CHCHD3: variants seen among roughly 807,000 people sequenced by gnomAD.
CHCHD3 encodes the protein MICOS complex subunit MIC19.
A neutral mutation model predicts 38.2 loss-of-function variants in CHCHD3; 20 were observed. The ratio of observed to expected loss-of-function variants is 0.52; its 90% CI spans 0.37 to 0.76. The LOEUF is 0.76. Among genes scored for constraint, CHCHD3 ranks in the 30% least tolerant of loss-of-function variants. The probability of loss-of-function intolerance (pLI) is 0.00; values close to 1 mark genes in which losing one functional copy is unlikely to be tolerated. For missense variants in CHCHD3, 245 were observed against 279.2 expected (o/e 0.88, Z 0.87); for synonymous variants, 82 against 100.0 (o/e 0.82, Z 1.07).
chr7:132,876,529 G>A (rs373946893), intron 5 of CHCHD3, among the ~76,000 whole-genome samples: 2 of 152,020 alleles, frequency 1.3e-5, no homozygotes, highest in African/African-American at 4.8e-5. Context: ...TTATTTTATT[G>A]TGTAGCCTTT....
chr7:132,901,892 T>C (rs904058091), intron 4 of CHCHD3, among the ~76,000 whole-genome samples: 3 of 152,224 alleles, frequency 2.0e-5, no homozygotes, highest in Non-Finnish European at 2.9e-5. Flanking sequence ...TCCTTGCCCA[T>C]GCCTATTCCT....
intron 4 of CHCHD3, among the ~76,000 whole-genome samples, chr7:132,897,917 G>A (rs58423496): frequency 0.018 from 2,730 of 152,230 alleles, 99 homozygotes; most frequent in African/African-American, 0.062. Flanking sequence ...CAGCGTGTCC[G>A]GAGTTTGTTC....
chr7:132,968,681 G>A (rs1040124918), intron 4 of CHCHD3, among the ~76,000 whole-genome samples: 4 of 152,028 alleles, frequency 2.6e-5, no homozygotes, highest in African/African-American at 7.2e-5. Flanking sequence ...AAAAGAACCC[G>A]GGAAACCACT....
At position 133,035,686 on chromosome 7, in the gene CHCHD3, C is replaced by T. The variant is rs1813653639; in HGVS notation, c.170-11059G>A. Reference sequence around the variant, plus strand: ...CTTCCCCGCAGCTCCTCATTGCTCACATAGTAGGCAATGGCGTTGCTCTCA... The same window carrying T: ...CTTCCCCGCAGCTCCTCATTGCTCATATAGTAGGCAATGGCGTTGCTCTCA... On this transcript the variant is annotated intron_variant, in intron 2 of 7. Coordinates refer to ENST00000262570, the MANE Select transcript of CHCHD3 (RefSeq NM_017812.4). The surrounding 1 kb of genome is among the most constrained non-coding windows in gnomAD (Gnocchi z 4.7). The T allele has an allele frequency of 1.2e-6, 2 of 1,613,222 alleles. No individual in the cohort carries two copies. The highest frequency in any genetic ancestry group is 2.2e-5 in the South Asian group (2 of 91,026).
intron 5 of CHCHD3, among the ~76,000 whole-genome samples, chr7:132,844,692 A>C (rs1808030497): frequency 6.6e-6 from 1 of 152,210 alleles, no homozygotes; most frequent in African/African-American, 2.4e-5. Context: ...AATTTAAAGT[A>C]GAATGACAGT....
chr7:133,067,894 A>G (rs940347933), intron 2 of CHCHD3, among the ~76,000 whole-genome samples: 2 of 152,120 alleles, frequency 1.3e-5, no homozygotes, highest in Non-Finnish European at 2.9e-5. Context: ...AGGCGGGCGG[A>G]TCACGAGGTC....
intron 4 of CHCHD3, among the ~76,000 whole-genome samples, chr7:132,960,648 A>T (rs900684265): frequency 1.3e-5 from 2 of 152,182 alleles, no homozygotes. Context: ...AACGTCAGAA[A>T]TTAGCAAAAC....
At chr7:132,883,056 T>A (rs1809108304) in intron 5 of CHCHD3, among the ~76,000 whole-genome samples, 1 of 152,098 alleles carries the variant, frequency 6.6e-6, no homozygotes. Flanking sequence ...CCTGCCACCA[T>A]GTGAAAAAGG....
intron 2 of CHCHD3, among the ~76,000 whole-genome samples, chr7:133,054,258 A>C (rs1369731533): frequency 6.6e-6 from 1 of 152,164 alleles, no homozygotes; most frequent in Non-Finnish European, 1.5e-5. Context: ...ATACTGTCCA[A>C]ATATATCCAA....
intron 4 of CHCHD3, among the ~76,000 whole-genome samples, chr7:132,889,561 G>C (rs1809309008): frequency 6.6e-6 from 1 of 152,094 alleles, no homozygotes; most frequent in Admixed American, 6.6e-5. Flanking sequence ...GTACACTAAA[G>C]ACCAAAGAGG....
chr7:132,835,881 A>G lies in CHCHD3; in HGVS notation c.524+2518T>C, dbSNP rs1285107239. On this transcript the variant is annotated intron_variant, in intron 6 of 7. Coordinates refer to ENST00000262570, the MANE Select transcript of CHCHD3 (RefSeq NM_017812.4). Reference sequence around the variant, plus strand: ...ATATGACTGGTATTCTTGTAAGAAAAGCAGATTAGCATGTAGACACAAGAG... The same window carrying G: ...ATATGACTGGTATTCTTGTAAGAAAGGCAGATTAGCATGTAGACACAAGAG... Among the ~76,000 whole-genome samples the G allele has an allele frequency of 2.6e-5, 4 of 152,276 alleles. No homozygotes were observed. The East Asian group carries it at 7.7e-4, about 29-fold the overall frequency.
intron 6 of CHCHD3, among the ~76,000 whole-genome samples, chr7:132,834,944 TCTCATTTATTTA>T (rs1476127690): frequency 2.7e-5 from 4 of 149,132 alleles, no homozygotes; most frequent in African/African-American, 9.9e-5. Flanking sequence ...TTTTTTTTCC[TCTCATTTATTTA>T]TTTATTTATT....
intron 3 of CHCHD3, among the ~76,000 whole-genome samples, chr7:133,011,949 G>A (rs1812886804): frequency 6.6e-6 from 1 of 152,142 alleles, no homozygotes; most frequent in Admixed American, 6.5e-5. Flanking sequence ...AATTGAGACA[G>A]AGTATTGCTC....
intron 2 of CHCHD3, chr7:133,052,100 G>A (rs1296385117): frequency 6.6e-6 from 1 of 152,208 alleles, no homozygotes; most frequent in Non-Finnish European, 1.5e-5. Context: ...CATTAGGTTA[G>A]CCCTGAGTTA....
intron 3 of CHCHD3, among the ~76,000 whole-genome samples, chr7:133,023,428 G>GGTC (rs1642062587): frequency 6.6e-6 from 1 of 152,164 alleles, no homozygotes; most frequent in South Asian, 2.1e-4. Context: ...ATATGGTGAA[G>GGTC]GTCCTATGGC....
At chr7:133,055,288 CTATT>C (rs1231195628) in intron 2 of CHCHD3, among the ~76,000 whole-genome samples, 1 of 143,664 alleles carries the variant, frequency 7.0e-6, no homozygotes, top group Non-Finnish European at 1.5e-5. Context: ...ATTATATTAT[CTATT>C]TAATTAGAAT....
intron 6 of CHCHD3, among the ~76,000 whole-genome samples, chr7:132,822,404 C>G (rs867586031): frequency 1.3e-5 from 2 of 151,748 alleles, no homozygotes; most frequent in South Asian, 4.2e-4. Context: ...ATAATTTTCA[C>G]AAAACATGAT....
At chr7:132,856,629 G>A (rs1021737898) in intron 5 of CHCHD3, among the ~76,000 whole-genome samples, 5 of 152,162 alleles carry the variant, frequency 3.3e-5, no homozygotes, top group Non-Finnish European at 5.9e-5. Flanking sequence ...TCCATCAGCA[G>A]CTGAATGTAA....
chr7:133,072,805 AAC>A (rs1482404006), intron 1 of CHCHD3, among the ~76,000 whole-genome samples: 2 of 150,030 alleles, frequency 1.3e-5, no homozygotes, highest in Non-Finnish European at 3.0e-5. Context: ...CAGCCTGGGC[AAC>A]AGAGTGAGAC....
Sources: allele counts gnomAD v4.1 joint callset (sites outside exome capture counted in the v4.1 genomes callset), GRCh38; gene constraint gnomAD v4.1.1; non-coding constraint Gnocchi (gnomAD v3.1); transcripts MANE v1.5; gene names NCBI Gene and HGNC (gene_info 2026-07-23, HGNC 2026-07-21).